Variants in LRRC17 observed in about 807,000 individuals in gnomAD.
LRRC17 encodes the protein leucine rich repeat containing 17.
Under a neutral mutation model 41.5 loss-of-function variants are expected in LRRC17, and 33 were observed. The observed-to-expected ratio is 0.80, with a 90% CI of 0.60 to 1.06. The LOEUF is 1.06. Among genes scored for constraint, LRRC17 ranks in the 50% least tolerant of loss-of-function variants. LRRC17 has a pLI of 0.00. For synonymous variants in LRRC17, 192 were observed against 197.0 expected, an observed-to-expected ratio of 0.97 and a Z score of 0.21; for missense variants, 491 against 519.3, an observed-to-expected ratio of 0.95 and a Z score of 0.53.
intron 1 of LRRC17, among the ~76,000 whole-genome samples, chr7:102,914,863 T>C (rs148911001): frequency 8.8e-4 from 134 of 152,282 alleles, no homozygotes; most frequent in African/African-American, 3.1e-3. Context: ...TATCTTCCTC[T>C]CCCTGGGGTA....
At chr7:102,931,761 G>T in intron 1 of LRRC17, 1 of 828,260 alleles carries the variant, frequency 1.2e-6, no homozygotes. Context: ...GTTTAACATA[G>T]TTTGCTCTTT....
At chr7:102,915,304 G>A (rs1009080852) in intron 1 of LRRC17, among the ~76,000 whole-genome samples, 2 of 151,788 alleles carry the variant, frequency 1.3e-5, no homozygotes, top group East Asian at 1.9e-4. Flanking sequence ...AATCAAAATC[G>A]GCAGGGACAT....
chr7:102,936,008 C>G (rs1820235703), intron 2 of LRRC17, among the ~76,000 whole-genome samples: 1 of 152,146 alleles, frequency 6.6e-6, no homozygotes, highest in Non-Finnish European at 1.5e-5. Flanking sequence ...CAAAGTCATG[C>G]TCAAGCCTTG....
chr7:102,923,867 G>T (rs1201359255), intron 1 of LRRC17, among the ~76,000 whole-genome samples: 1 of 151,798 alleles, frequency 6.6e-6, no homozygotes, highest in Non-Finnish European at 1.5e-5. Flanking sequence ...TATATAAGAA[G>T]GAATCACACA....
chr7:102,924,740 C>A (rs1033811250), intron 1 of LRRC17, among the ~76,000 whole-genome samples: 2 of 146,320 alleles, frequency 1.4e-5, no homozygotes, highest in African/African-American at 5.0e-5. Flanking sequence ...CTCCTGGGTT[C>A]ATGCCATTCT....
chr7:102,942,283 A>G, intron 3 of LRRC17: 3 of 1,597,520 alleles, frequency 1.9e-6, no homozygotes, highest in Non-Finnish European at 1.7e-6. Context: ...GGTCTCCTAT[A>G]TTTCAGGGTC....
intron 1 of LRRC17, among the ~76,000 whole-genome samples, chr7:102,915,293 CA>C (rs1183786395): frequency 6.6e-6 from 1 of 151,836 alleles, no homozygotes. Context: ...GTGATTTTAA[CA>C]ATCAAAATCG....
intron 1 of LRRC17, among the ~76,000 whole-genome samples, chr7:102,927,370 G>A (rs1254874181): frequency 6.6e-6 from 1 of 152,126 alleles, no homozygotes; most frequent in African/African-American, 2.4e-5. Flanking sequence ...ATCATTACTA[G>A]GCTAGAAGAT....
chr7:102,918,056 T>G (rs1180707102), intron 1 of LRRC17, among the ~76,000 whole-genome samples: 4 of 152,216 alleles, frequency 2.6e-5, no homozygotes, highest in Non-Finnish European at 5.9e-5. Flanking sequence ...GCAAGTACTT[T>G]TTTTGGAAAG....
intron 1 of LRRC17, among the ~76,000 whole-genome samples, chr7:102,925,267 C>T (rs1817894649): frequency 6.6e-6 from 1 of 152,022 alleles, no homozygotes; most frequent in Non-Finnish European, 1.5e-5. Flanking sequence ...TGGTGGCATG[C>T]TCCTGTAGTC....
intron 1 of LRRC17, among the ~76,000 whole-genome samples, chr7:102,929,375 C>T (rs1454818053): frequency 3.9e-5 from 6 of 152,058 alleles, no homozygotes; most frequent in Non-Finnish European, 7.4e-5. Context: ...GAAATTAATT[C>T]TGTCAGCTGG....
chr7:102,938,277 G>A (rs907598932), intron 2 of LRRC17, among the ~76,000 whole-genome samples: 1 of 152,142 alleles, frequency 6.6e-6, no homozygotes, highest in Non-Finnish European at 1.5e-5. Flanking sequence ...GGAGAATTAC[G>A]CAGGTAAATT....
At chr7:102,934,785 T>C (rs1819970955) in intron 2 of LRRC17, 100 bp downstream of exon 2, 3 of 1,086,466 alleles carry the variant, frequency 2.8e-6, no homozygotes. Flanking sequence ...GAATTCGTGA[T>C]GTCACTTCCA....
At chr7:102,918,098 G>T (rs184640235) in intron 1 of LRRC17, among the ~76,000 whole-genome samples, 21 of 152,282 alleles carry the variant, frequency 1.4e-4, no homozygotes, top group African/African-American at 5.1e-4. Context: ...GAGAATGACA[G>T]CAGAAACAAC....
Position 102,934,593 on chromosome 7 carries a change from C to A in LRRC17, c.680C>A (p.Ser227Ter). ...CAATTGGACCCGAAACCCCAAGTGT[C>A]AGGGAGACCCCCAGTCATCAAGCCT... ...KEQLDPKPQV[S>*]GRPPVIKPEV... Residue 227 changes from serine to a stop codon, truncating the protein, a stop_gained, in exon 2 of 4, where the codon TCA becomes TAA. Transcript: ENST00000339431. LOFTEE classifies it high-confidence loss of function. The A allele has an allele frequency of 2.5e-6, 4 of 1,614,116 alleles. No homozygotes were observed. Among genetic ancestry groups the A allele is most frequent in the Non-Finnish European group, 3.4e-6 (4 of 1,179,970 alleles).
At chr7:102,935,651 T>C (rs1704842423) in intron 2 of LRRC17, among the ~76,000 whole-genome samples, 1 of 152,164 alleles carries the variant, frequency 6.6e-6, no homozygotes, top group Admixed American at 6.5e-5. Context: ...TTAGTAATGC[T>C]CTTGACATGT....
chr7:102,942,720 A>C (rs1355046432), intron 3 of LRRC17, among the ~76,000 whole-genome samples: 1 of 152,156 alleles, frequency 6.6e-6, no homozygotes, highest in African/African-American at 2.4e-5. Flanking sequence ...TTGGTACCAA[A>C]ATAGAAAGTT....
At chr7:102,913,185 C>T (rs1435047120) in intron 1 of LRRC17, 40 bp downstream of exon 1, 2 of 1,614,072 alleles carry the variant, frequency 1.2e-6, no homozygotes, top group Admixed American at 1.7e-5. Context: ...TGCAATAAGC[C>T]AAACTAAGAT....
intron 1 of LRRC17, among the ~76,000 whole-genome samples, chr7:102,916,285 C>T (rs1211091143): frequency 1.3e-5 from 2 of 152,138 alleles, no homozygotes; most frequent in African/African-American, 4.8e-5. Flanking sequence ...GTGCAACTAG[C>T]CGAGATGAGT....
Sources: allele counts gnomAD v4.1 joint callset (sites outside exome capture counted in the v4.1 genomes callset), GRCh38; gene constraint gnomAD v4.1.1; transcripts MANE v1.5; gene names NCBI Gene and HGNC (gene_info 2026-07-23, HGNC 2026-07-21).